MYO18B: variants seen among roughly 807,000 people sequenced by gnomAD.
MYO18B encodes the protein unconventional myosin-XVIIIb.
Under a neutral mutation model 273.0 loss-of-function variants are expected in MYO18B, and 204 were observed. The ratio of observed to expected loss-of-function variants is 0.75; its 90% CI spans 0.67 to 0.84. MYO18B has a LOEUF of 0.84. Ranked by LOEUF, MYO18B falls within the 40% of genes least tolerant of loss-of-function variation. The pLI is 0.00. For synonymous variants in MYO18B, 1,330 were observed against 1,305.7 expected (o/e 1.02, Z -0.40); for missense variants, 3,212 against 3,287.6 (o/e 0.98, Z 0.56).
intron 34 of MYO18B, among the ~76,000 whole-genome samples, chr22:25,945,282 C>T (rs1250000346): frequency 6.6e-6 from 1 of 152,132 alleles, no homozygotes; most frequent in African/African-American, 2.4e-5. Flanking sequence ...GGAAGCCTCC[C>T]TCAATTCCCA....
rs540735919 is a variant in MYO18B, at chr22:25,974,185, A to G, written c.6157-18178A>G. On this transcript the variant is annotated intron_variant, in intron 39 of 43. Transcript: ENST00000335473. The stretch of plus-strand genomic sequence containing the variant: ...GCATCTCTTAATTATCAATATGGCT[A>G]CTCAACAATTAGACCCGCCAAATCT... Among the ~76,000 whole-genome samples, 16 of 152,328 alleles carry G rather than the reference A, an allele frequency of 1.1e-4. No individual in the cohort carries two copies. In the South Asian group the frequency reaches 3.1e-3, roughly 30 times the overall value.
chr22:25,874,056 C>T (rs1317578272), intron 22 of MYO18B, among the ~76,000 whole-genome samples: 2 of 152,228 alleles, frequency 1.3e-5, no homozygotes, highest in African/African-American at 4.8e-5. Flanking sequence ...GCCAATGCCA[C>T]TGGTGCGTGG....
Position 25,763,387 on chromosome 22 carries a change from G to A in MYO18B, c.196G>A (p.Glu66Lys), listed in dbSNP as rs780778089. The change falls in exon 3 of 44, where the codon GAG becomes AAG. Residue 66 changes from glutamate to lysine, a missense_variant and splice_region_variant. Glu to Lys is a moderately conservative substitution (Grantham distance 56, BLOSUM62 1). Coordinates refer to ENST00000335473, the MANE Select transcript of MYO18B (RefSeq NM_032608.7). ...KQLAVASPER[E>K]IPEISISQPN... ...GTTAGCTGTCGCCTCTCCAGAACGA[G>A]AGGTAAGTGGTTCCTAAGAAGGAGG... 5.6e-6 allele frequency: 9 copies of A among 1,606,954 alleles called. No individual in the cohort carries two copies. The South Asian group carries it at 1.0e-4, about 18-fold the overall frequency.
In MYO18B at chr22:25,890,889, G is replaced by C. The variant is rs567494325; in HGVS notation, c.4434+14G>C. On this transcript the variant is annotated intron_variant, in intron 26 of 43. Transcript: ENST00000335473. ...CAGGAGCTCAAGGTGAGTGGTCAGGGGTGGCCAGGGGTGGCTGAACACGGT... is the reference window on the plus strand; with the variant it reads ...CAGGAGCTCAAGGTGAGTGGTCAGGCGTGGCCAGGGGTGGCTGAACACGGT... The C allele has an allele frequency of 3.4e-5, 51 of 1,499,666 alleles. 1 individual carries two copies. The East Asian group carries it at 1.1e-3, about 33-fold the overall frequency. The allele number at this position is 1,499,666 out of a possible 1,614,324, so 92.9% of individuals were successfully genotyped here.
intron 39 of MYO18B, among the ~76,000 whole-genome samples, chr22:25,976,206 A>G (rs184857806): frequency 7.1e-4 from 108 of 152,326 alleles, no homozygotes; most frequent in Non-Finnish European, 1.3e-3. Flanking sequence ...ACAAAGAATT[A>G]TCTGCTCCCA....
At chr22:26,016,971 G>A (rs1411520869) in intron 42 of MYO18B, among the ~76,000 whole-genome samples, 2 of 152,180 alleles carry the variant, frequency 1.3e-5, no homozygotes, top group Non-Finnish European at 1.5e-5. Context: ...ATCACCTGCA[G>A]AGTGTCAGTT....
intron 10 of MYO18B, among the ~76,000 whole-genome samples, chr22:25,783,891 G>A (rs1179637030): frequency 6.6e-6 from 1 of 152,178 alleles, no homozygotes; most frequent in Non-Finnish European, 1.5e-5. Flanking sequence ...AGCCTCATTG[G>A]TGATCCCCCA....
At chr22:25,788,561 C>T (rs565256344) in intron 11 of MYO18B, among the ~76,000 whole-genome samples, 32 of 152,278 alleles carry the variant, frequency 2.1e-4, no homozygotes, top group African/African-American at 7.7e-4. Flanking sequence ...TGCAGTGAGG[C>T]CAGCATTCTT....
chr22:25,792,522 G>A (rs1434417576), intron 11 of MYO18B, among the ~76,000 whole-genome samples: 4 of 112,898 alleles, frequency 3.5e-5, no homozygotes, highest in Admixed American at 1.2e-4. Context: ...TTGAGACAGA[G>A]TCTGGCTCTG....
At chr22:25,922,915 A>G (rs987833922) in intron 34 of MYO18B, among the ~76,000 whole-genome samples, 3 of 152,180 alleles carry the variant, frequency 2.0e-5, no homozygotes, top group Non-Finnish European at 4.4e-5. Flanking sequence ...ACAAAAACCT[A>G]AATTTAGACT....
At chr22:25,859,105 T>C (rs2090656271) in intron 21 of MYO18B, among the ~76,000 whole-genome samples, 1 of 152,194 alleles carries the variant, frequency 6.6e-6, no homozygotes, top group African/African-American at 2.4e-5. Flanking sequence ...ATGTAATCAA[T>C]TATGATTTTG....
chr22:25,841,473 C>T (rs946737080), intron 17 of MYO18B, among the ~76,000 whole-genome samples: 5 of 152,004 alleles, frequency 3.3e-5, no homozygotes, highest in African/African-American at 7.2e-5. Context: ...GTGGCATTTC[C>T]GTGTGCTGGA....
rs1219860854 is a variant in MYO18B, at chr22:26,030,609, T to C, written c.*179T>C. 5 of 254,860 alleles carry C rather than the reference T, an allele frequency of 2.0e-5. No individual in the cohort carries two copies. In the East Asian group the frequency reaches 2.0e-4, roughly 10 times the overall value. The allele number at this position is 254,860 out of a possible 1,614,324, so 15.8% of individuals were successfully genotyped here. ...CGGGGATGCTGGGCTCCCAGTGTGGTTGGCCTGAACAAAATAAAGTGTTGA... is the reference window on the plus strand; with the variant it reads ...CGGGGATGCTGGGCTCCCAGTGTGGCTGGCCTGAACAAAATAAAGTGTTGA... On this transcript the variant is annotated 3_prime_UTR_variant, in exon 44 of 44. Transcript: ENST00000335473.
chr22:25,853,339 T>G (rs1019590889), intron 21 of MYO18B, among the ~76,000 whole-genome samples: 2 of 152,234 alleles, frequency 1.3e-5, no homozygotes, highest in African/African-American at 4.8e-5. Flanking sequence ...AGTTCTTCTT[T>G]GCAGTGGGTA....
At chr22:25,952,006 C>T (rs952587498) in intron 37 of MYO18B, among the ~76,000 whole-genome samples, 2 of 152,174 alleles carry the variant, frequency 1.3e-5, no homozygotes, top group Admixed American at 1.3e-4. Flanking sequence ...AGAAGGGAAG[C>T]ACTGATTAAA....
At chr22:26,021,681 T>C (rs1165193520) in intron 42 of MYO18B, among the ~76,000 whole-genome samples, 1 of 152,210 alleles carries the variant, frequency 6.6e-6, no homozygotes, top group East Asian at 1.9e-4. Context: ...GTTAGAGAAG[T>C]TAGGCAATGG....
At chr22:25,900,465 C>T (rs1455198665) in intron 29 of MYO18B, 1 of 152,336 alleles carries the variant, frequency 6.6e-6, no homozygotes, top group Non-Finnish European at 1.5e-5. Flanking sequence ...GTAGAGTTCT[C>T]TGTTTCCCGC....
chr22:25,814,607 C>A (rs1252840472), intron 12 of MYO18B, among the ~76,000 whole-genome samples: 1 of 151,936 alleles, frequency 6.6e-6, no homozygotes, highest in Non-Finnish European at 1.5e-5. Context: ...GTCCCTTTTT[C>A]CTTGATTACC....
chr22:25,894,868 G>A (rs1257627473), intron 27 of MYO18B: 1 of 233,764 alleles, frequency 4.3e-6, no homozygotes, highest in Non-Finnish European at 8.3e-6. Context: ...GGGAAGATAT[G>A]AATACACTTA....
Sources: gnomAD v4.1 joint callset for allele counts (sites outside exome capture counted in the v4.1 genomes callset) on GRCh38, gnomAD v4.1.1 for gene constraint, MANE v1.5 for transcripts, NCBI Gene and HGNC (gene_info 2026-07-23, HGNC 2026-07-21) for gene names.